The following FGFR3 variants were observed in gnomAD, a reference collection of about 807,000 sequenced individuals.
The protein encoded by FGFR3 is fibroblast growth factor receptor 3.
FGFR3 carries 25 observed loss-of-function variants against 82.9 expected under a neutral mutation model. The ratio of observed to expected loss-of-function variants is 0.30; its 90% CI spans 0.22 to 0.42. The LOEUF (loss-of-function observed/expected upper bound fraction) is 0.42. Ranked by LOEUF, FGFR3 falls within the 10% of genes least tolerant of loss-of-function variation. FGFR3 has a pLI of 1.00. For missense variants in FGFR3, 1,026 were observed against 1,161.0 expected (o/e 0.88, Z 1.69); for synonymous variants, 620 against 516.0 (o/e 1.20, Z -2.73).
chr4:1,797,415 C>T (rs1429433202), intron 2 of FGFR3, among the ~76,000 whole-genome samples: 1 of 152,208 alleles, frequency 6.6e-6, no homozygotes, highest in Non-Finnish European at 1.5e-5. Context: ...GGGCTGCACC[C>T]TCCCCACCAC....
Position 1,806,138 on chromosome 4 carries a change from G to T in FGFR3, c.1924G>T (p.Val642Leu), listed in dbSNP as rs771059356. Residue 642 changes from valine (V) to leucine (L), a missense_variant, in exon 14 of 18, where the codon GTG becomes TTG. Physicochemically the swap from Val to Leu is conservative, Grantham distance 32 (BLOSUM62 1). Transcript: ENST00000440486. ...KIADFGLARDVHNLDYYKKTT... is the reference protein window; with the variant it reads ...KIADFGLARDLHNLDYYKKTT... ...CGCAGACTTCGGGCTGGCCCGGGAC[G>T]TGCACAACCTCGACTACTACAAGAA... is the stretch of plus-strand genomic sequence containing the variant. 1.2e-6 allele frequency: 2 copies of T among 1,613,016 alleles called. No homozygotes were observed. Among genetic ancestry groups the T allele is most frequent in the African/African-American group, 2.7e-5 (2 of 74,940 alleles).
rs1721246007 is a variant in FGFR3 at position 1,801,962 on chromosome 4, G to A, written c.867G>A (p.Lys289=). 1 of 1,612,850 alleles carries A rather than the reference G, an allele frequency of 6.2e-7. No homozygotes were observed. The highest frequency in any genetic ancestry group is 2.2e-5 in the East Asian group (1 of 44,868). Residue 289 remains lysine (K), a synonymous_variant, in exon 7 of 18, where the codon AAG becomes AAA. Transcript: ENST00000440486. ...CACAGCCCCACATCCAGTGGCTCAA[G>A]CACGTGGAGGTGAATGGCAGCAAGG... ...SDAQPHIQWL[K]HVEVNGSKVG... is the part of the protein sequence containing the mutation.
intron 2 of FGFR3, among the ~76,000 whole-genome samples, chr4:1,794,323 C>G (rs1452479549): frequency 6.6e-6 from 1 of 152,240 alleles, no homozygotes; most frequent in African/African-American, 2.4e-5. Flanking sequence ...CTCCCTAGCC[C>G]TGGCCTGTCG....
intron 7 of FGFR3, among the ~76,000 whole-genome samples, chr4:1,802,564 G>A (rs896172651): frequency 1.2e-4 from 18 of 152,232 alleles, no homozygotes; most frequent in African/African-American, 7.2e-5. Flanking sequence ...GAGAGAAGAC[G>A]GTCTCTTGGG....
In FGFR3 at chr4:1,801,239, G is replaced by A. The variant is rs554157061; in HGVS notation, c.446-128G>A. 9.1e-4 allele frequency: 976 copies of A among 1,074,326 alleles called. 1 individual carries two copies. The highest frequency in any genetic ancestry group is 1.3e-3 in the Non-Finnish European group (924 of 735,130). The allele number at this position is 1,074,326 out of a possible 1,614,324, so 66.5% of individuals were successfully genotyped here. A position where few individuals can be genotyped will look rare whatever the true frequency, so the allele number is the denominator to read the frequency against. Reference sequence around the variant, plus strand: ...TGGAGGCTCCTGGGAACCTCATCCCGCCCTCTTCCTACACAGGACGGGAAA... The same window carrying A: ...TGGAGGCTCCTGGGAACCTCATCCCACCCTCTTCCTACACAGGACGGGAAA... On this transcript the variant is annotated intron_variant, in intron 4 of 17. Transcript: ENST00000440486.
chr4:1,795,870 C>A (rs1720449788), intron 2 of FGFR3, among the ~76,000 whole-genome samples: 1 of 152,182 alleles, frequency 6.6e-6, no homozygotes, highest in Non-Finnish European at 1.5e-5. Context: ...CAGGGCTGGA[C>A]TTTGAGCCGC....
At chr4:1,794,122 C>A in intron 2 of FGFR3, 79 bp downstream of exon 2, 1 of 797,118 alleles carries the variant, frequency 1.3e-6, no homozygotes, top group Non-Finnish European at 1.7e-6. Context: ...GGCCCCGGGT[C>A]GGAGGGGCCG....
Position 1,801,482 on chromosome 4 carries a change from C to T in FGFR3, c.561C>T (p.Ser187=), listed in dbSNP as rs1456720079. The part of the protein sequence containing the change: ...PAAGNPTPSI[S]WLKNGREFRG... The stretch of plus-strand genomic sequence containing the variant: ...CTGGCAACCCCACTCCCTCCATCTC[C>T]TGGCTGAAGAACGGCAGGGAGTTCC... The change falls in exon 5 of 18, where the codon TCC becomes TCT. Residue 187 remains serine, a synonymous_variant. Coordinates refer to ENST00000440486, the MANE Select transcript of FGFR3 (RefSeq NM_000142.5). 5.8e-6 allele frequency: 9 copies of T among 1,557,384 alleles called. No homozygotes were observed. The highest frequency in any genetic ancestry group is 7.8e-6 in the Non-Finnish European group (9 of 1,150,924).
chr4:1,801,717 G>A lies in FGFR3; in HGVS notation c.713G>A (p.Arg238Gln), dbSNP rs199944818. 2.7e-4 allele frequency: 440 copies of A among 1,609,004 alleles called. 2 individuals are homozygous for A. The highest frequency in any genetic ancestry group is 2.0e-4 in the South Asian group (18 of 90,560). The change falls in exon 6 of 18, where the codon CGG becomes CAG. Residue 238 changes from arginine to glutamine, a missense_variant. Arg to Gln is a conservative substitution (Grantham distance 43, BLOSUM62 1). This residue lies in a region of FGFR3 where 147 missense variants were observed against 228.1 expected (regional missense o/e 0.64). Transcript: ENST00000440486. ...GTGGAGAACAAGTTTGGCAGCATCC[G>A]GCAGACGTACACGCTGGACGTGCTG... ...CVVENKFGSIRQTYTLDVLER... is the reference protein window; with the variant it reads ...CVVENKFGSIQQTYTLDVLER...
At chr4:1,795,660 CTG>C (rs1720420975) in intron 2 of FGFR3, among the ~76,000 whole-genome samples, 1 of 152,214 alleles carries the variant, frequency 6.6e-6, no homozygotes, top group African/African-American at 2.4e-5. Context: ...CTGGACTGCC[CTG>C]GCCACCCCAG....
At chr4:1,794,779 G>C (rs1486149663) in intron 2 of FGFR3, among the ~76,000 whole-genome samples, 1 of 151,954 alleles carries the variant, frequency 6.6e-6, no homozygotes, top group Non-Finnish European at 1.5e-5. Flanking sequence ...GGGCCGGGCC[G>C]AGAGCTCCGG....
intron 17 of FGFR3, 53 bp downstream of exon 17, chr4:1,806,987 T>TCCCCGGCCATCCTGCCCC (rs1423706514): frequency 6.4e-7 from 1 of 1,558,734 alleles, no homozygotes; most frequent in East Asian, 2.4e-5. Flanking sequence ...CCCCCTGCCG[T>TCCCCGGCCATCCTGCCCC]CCCCGGCCAT....
Position 1,803,682 on chromosome 4 carries a change from C to G in FGFR3, c.931-10C>G, listed in dbSNP as rs752492187. ...TGGCGCTCGCCTATCGCTCTGCTCT[C>G]TCTTTGTAGACGGCGGGCGCTAACA... On this transcript the variant is annotated splice_polypyrimidine_tract_variant and intron_variant, in intron 7 of 17. Coordinates refer to ENST00000440486, the MANE Select transcript of FGFR3 (RefSeq NM_000142.5). 1.2e-6 allele frequency: 2 copies of G among 1,613,306 alleles called. No homozygotes were observed. The highest frequency in any genetic ancestry group is 2.7e-5 in the African/African-American group (2 of 75,066).
intron 2 of FGFR3, among the ~76,000 whole-genome samples, chr4:1,795,962 A>AC (rs1177369173): frequency 6.6e-6 from 1 of 151,346 alleles, no homozygotes; most frequent in African/African-American, 2.4e-5. Context: ...CTTGTTACCC[A>AC]CCCCCCAGCT....
chr4:1,801,549 G>C lies in FGFR3; in HGVS notation c.615+13G>C. Reference sequence around the variant, plus strand: ...TGGAGGCATCAAGGTGGGCGCGGCGGGGTGGCTCTGGGCCTGGCAGGCGCG... The same window carrying C: ...TGGAGGCATCAAGGTGGGCGCGGCGCGGTGGCTCTGGGCCTGGCAGGCGCG... On this transcript the variant is annotated intron_variant, in intron 5 of 17. Coordinates refer to ENST00000440486, the MANE Select transcript of FGFR3 (RefSeq NM_000142.5). 2.5e-6 allele frequency: 4 copies of C among 1,577,882 alleles called. No homozygotes were observed. The highest frequency in any genetic ancestry group is 3.4e-6 in the Non-Finnish European group (4 of 1,162,948).
At position 1,804,322 on chromosome 4, in the gene FGFR3, C is replaced by T; in HGVS notation, c.1076-8C>T. On this transcript the variant is annotated splice_polypyrimidine_tract_variant and splice_region_variant and intron_variant, in intron 8 of 17. Coordinates refer to ENST00000440486, the MANE Select transcript of FGFR3 (RefSeq NM_000142.5). ...CCAGGCCAGGCCTCAACGCCCATGT[C>T]TTTGCAGCCGAGGAGGAGCTGGTGG... The T allele has an allele frequency of 6.3e-7, 1 of 1,597,774 alleles. No homozygotes were observed. The highest frequency in any genetic ancestry group is 8.5e-7 in the Non-Finnish European group (1 of 1,173,428).
Position 1,793,944 on chromosome 4 carries a change from C to T in FGFR3, c.10C>T (p.Pro4Ser). The T allele has an allele frequency of 7.5e-7, 1 of 1,328,400 alleles. No individual in the cohort carries two copies. Among genetic ancestry groups the T allele is most frequent in the Non-Finnish European group, 9.7e-7 (1 of 1,026,696 alleles). 82.3% of individuals were successfully genotyped at this position (1,328,400 alleles called of 1,614,324 possible). The change falls in exon 2 of 18, where the codon CCT becomes TCT. Residue 4 changes from proline (P) to serine (S), a missense_variant. Transcript: ENST00000440486. MGA[P>S]ACALALCVAV... is the part of the protein sequence containing the mutation. ...GGCCCCCGCCCCCGCCATGGGCGCC[C>T]CTGCCTGCGCCCTCGCGCTCTGCGT...
intron 7 of FGFR3, chr4:1,803,127 C>T (rs1448260265): frequency 7.0e-7 from 1 of 1,434,168 alleles, no homozygotes. Context: ...TGGCCGCGCG[C>T]CCTGCACGCC....
At position 1,805,644 on chromosome 4, in the gene FGFR3, C is replaced by T. The variant is rs28933068; in HGVS notation, c.1620C>T (p.Asn540=). Residue 540 remains asparagine, a synonymous_variant, in exon 12 of 18, where the codon AAC becomes AAT. Coordinates refer to ENST00000440486, the MANE Select transcript of FGFR3 (RefSeq NM_000142.5). ...KMIGKHKNII[N]LLGACTQGGP... ...TCGGGAAACACAAAAACATCATCAA[C>T]CTGCTGGGCGCCTGCACGCAGGGCG... 1.4e-5 allele frequency: 23 copies of T among 1,613,112 alleles called. No homozygotes were observed. Among genetic ancestry groups the T allele is most frequent in the Admixed American group, 8.3e-5 (5 of 59,984 alleles).
Sources: allele counts gnomAD v4.1 joint callset (sites outside exome capture counted in the v4.1 genomes callset), GRCh38; gene constraint gnomAD v4.1.1; regional missense constraint gnomAD v4.1.1; transcripts MANE v1.5; gene names NCBI Gene and HGNC (gene_info 2026-07-23, HGNC 2026-07-21).